The following LRRK2 variants were observed in gnomAD, a reference collection of about 807,000 sequenced individuals.
LRRK2 encodes the protein leucine rich repeat kinase 2, also known as leucine-rich repeat serine/threonine-protein kinase 2.
In LRRK2, 203 loss-of-function variants were observed where a neutral mutation model predicts 302.6. The observed-to-expected ratio is 0.67, with a 90% CI of 0.60 to 0.75. LRRK2 has a LOEUF of 0.75. LRRK2 is among the 30% of genes least tolerant of loss of function. The pLI, the probability that LRRK2 is intolerant of heterozygous loss-of-function variation, is 0.00. For missense variants in LRRK2, 2,830 were observed against 2,951.0 expected, an observed-to-expected ratio of 0.96 and a Z score of 0.95; for synonymous variants, 1,066 against 1,031.9, an observed-to-expected ratio of 1.03 and a Z score of -0.63.
rs1017632086 is a variant in LRRK2 at position 40,368,375 on chromosome 12, AG to A, written c.*611del. On this transcript the variant is annotated 3_prime_UTR_variant, in exon 51 of 51. Coordinates refer to ENST00000298910, the MANE Select transcript of LRRK2 (RefSeq NM_198578.4). ...CAATTCAAAAGAAAACTCCATTAAA[AG>A]TACTAATGAAAAAACATGACATACT... 3 of 151,934 alleles carry A rather than the reference AG, an allele frequency of 2.0e-5. No homozygotes were observed. Among genetic ancestry groups the A allele is most frequent in the African/African-American group, 7.2e-5 (3 of 41,426 alleles). 9.4% of individuals were successfully genotyped at this position (151,934 alleles called of 1,614,324 possible).
At chr12:40,225,939 T>C (rs993145030) in intron 2 of LRRK2, among the ~76,000 whole-genome samples, 1 of 152,170 alleles carries the variant, frequency 6.6e-6, no homozygotes. Context: ...ATTGGCAAGA[T>C]GAATTCATTA....
At chr12:40,258,170 G>T (rs17461664) in intron 12 of LRRK2, among the ~76,000 whole-genome samples, 5,009 of 152,202 alleles carry the variant, frequency 0.033, 233 homozygotes, top group South Asian at 0.12. Flanking sequence ...AAAGGGATTA[G>T]GATAATGCCT....
intron 23 of LRRK2, among the ~76,000 whole-genome samples, chr12:40,296,735 G>A (rs1944400048): frequency 6.6e-6 from 1 of 151,980 alleles, no homozygotes; most frequent in Non-Finnish European, 1.5e-5. Flanking sequence ...TAAATTTTAA[G>A]TATATTTAAG....
intron 14 of LRRK2, among the ~76,000 whole-genome samples, chr12:40,274,229 C>T (rs1350264469): frequency 6.6e-6 from 1 of 152,150 alleles, no homozygotes; most frequent in Non-Finnish European, 1.5e-5. Context: ...GGTTTCATCT[C>T]TGCAATTTAT....
At chr12:40,282,489 T>G (rs1417024966) in intron 18 of LRRK2, among the ~76,000 whole-genome samples, 6 of 152,104 alleles carry the variant, frequency 3.9e-5, no homozygotes, top group Non-Finnish European at 8.8e-5. Flanking sequence ...CAAGAAAGTT[T>G]GAAGCCAATT....
intron 4 of LRRK2, among the ~76,000 whole-genome samples, chr12:40,237,532 G>A (rs989920691): frequency 1.3e-5 from 2 of 152,164 alleles, no homozygotes; most frequent in Non-Finnish European, 2.9e-5. Flanking sequence ...GAAGAGAAAG[G>A]AGGGTGGAAG....
rs780369356 is a variant in LRRK2 at position 40,253,012 on chromosome 12, A to G, written c.1284A>G (p.Gln428=). 2 of 1,606,986 alleles carry G rather than the reference A, an allele frequency of 1.2e-6. No individual in the cohort carries two copies. Among genetic ancestry groups the G allele is most frequent in the Non-Finnish European group, 1.7e-6 (2 of 1,173,772 alleles). ...SANALSTLLE[Q]NVNFRKILLS... ...ATGCATTGTCAACTCTCTTAGAACA[A>G]AATGGTAAGCAGTGGGCCATGTTTT... Residue 428 remains glutamine (Q), a synonymous_variant, in exon 11 of 51, where the codon CAA becomes CAG. Coordinates refer to ENST00000298910, the MANE Select transcript of LRRK2 (RefSeq NM_198578.4).
chr12:40,267,301 G>A (rs1943060093), intron 14 of LRRK2, among the ~76,000 whole-genome samples: 1 of 152,124 alleles, frequency 6.6e-6, no homozygotes, highest in Admixed American at 6.6e-5. Context: ...TACCTATCCT[G>A]TCTCATTGTG....
intron 40 of LRRK2, among the ~76,000 whole-genome samples, chr12:40,337,068 A>G (rs1337855918): frequency 2.0e-5 from 3 of 152,258 alleles, no homozygotes; most frequent in African/African-American, 7.2e-5. Context: ...ATTTGTTCTT[A>G]GCATAATGCC....
At chr12:40,317,223 T>C (rs956900875) in intron 33 of LRRK2, among the ~76,000 whole-genome samples, 1 of 152,046 alleles carries the variant, frequency 6.6e-6, no homozygotes, top group African/African-American at 2.4e-5. Context: ...AAAGTTACTT[T>C]TAAAGACAGA....
chr12:40,351,257 C>T (rs552820860), intron 43 of LRRK2, among the ~76,000 whole-genome samples: 7 of 152,148 alleles, frequency 4.6e-5, no homozygotes, highest in South Asian at 2.1e-4. Flanking sequence ...CTCCTGACTC[C>T]GCTAAAATCC....
intron 20 of LRRK2, among the ~76,000 whole-genome samples, 198 bp from the exon 21 acceptor site, chr12:40,293,347 T>C (rs1046778155): frequency 2.0e-5 from 3 of 151,836 alleles, no homozygotes; most frequent in South Asian, 2.1e-4. Flanking sequence ...TGAAGAAAAA[T>C]GTTGTTGAAT....
intron 11 of LRRK2, among the ~76,000 whole-genome samples, chr12:40,254,453 C>G (rs1210058567): frequency 1.3e-5 from 2 of 152,058 alleles, no homozygotes; most frequent in African/African-American, 4.8e-5. Flanking sequence ...GATAATGAGT[C>G]AAAGGGGAAG....
Position 40,283,966 on chromosome 12 carries a change from G to A in LRRK2, c.2333G>A (p.Ser778Asn), listed in dbSNP as rs1356461363. Residue 778 changes from serine (S) to asparagine (N), a missense_variant, in exon 19 of 51, where the codon AGC becomes AAC. Physicochemically the swap from Ser to Asn is conservative, Grantham distance 46. Around this residue, in one of 3 missense-constraint regions of LRRK2, gnomAD observed 2,121 missense variants for 2,148.0 expected, o/e 0.99. Transcript: ENST00000298910. ...EQDVRKALTI[S>N]IGKGDSQIIS... ...GATGTACGAAAAGCGTTGACGATAA[G>A]CATTGGGAAAGGTGACAGCCAGATC... 4 of 1,613,884 alleles carry A rather than the reference G, an allele frequency of 2.5e-6. No homozygotes were observed. Among genetic ancestry groups the A allele is most frequent in the East Asian group, 2.2e-5 (1 of 44,880 alleles).
intron 20 of LRRK2, among the ~76,000 whole-genome samples, chr12:40,292,167 T>A (rs930881769): frequency 6.6e-6 from 1 of 152,080 alleles, no homozygotes. Flanking sequence ...TTAAATTTCT[T>A]CTTATGTATA....
chr12:40,271,891 T>A (rs1431696017), intron 14 of LRRK2, among the ~76,000 whole-genome samples: 1 of 152,066 alleles, frequency 6.6e-6, no homozygotes, highest in Admixed American at 6.6e-5. Context: ...ACTGAAATGG[T>A]TAGAGCCTAG....
At chr12:40,363,187 A>G (rs1468242501) in intron 47 of LRRK2, among the ~76,000 whole-genome samples, 1 of 152,094 alleles carries the variant, frequency 6.6e-6, no homozygotes, top group African/African-American at 2.4e-5. Flanking sequence ...ACAAGAAATT[A>G]ATATAAAGTA....
intron 39 of LRRK2, among the ~76,000 whole-genome samples, chr12:40,333,095 G>T (rs1945762497): frequency 1.3e-5 from 2 of 151,962 alleles, no homozygotes; most frequent in South Asian, 2.1e-4. Flanking sequence ...TTAGTGAGTT[G>T]CTTTTCCAGG....
At chr12:40,240,346 C>T (rs1289285092) in intron 5 of LRRK2, 137 bp from the exon 6 acceptor site, 3 of 799,026 alleles carry the variant, frequency 3.8e-6, no homozygotes, top group Admixed American at 2.5e-5. Context: ...AGGGCTGCTT[C>T]ACAGAAATAT....
Sources: gnomAD v4.1 joint callset for allele counts (sites outside exome capture counted in the v4.1 genomes callset) on GRCh38, gnomAD v4.1.1 for gene constraint, gnomAD v4.1.1 regional missense constraint, MANE v1.5 for transcripts, NCBI Gene and HGNC (gene_info 2026-07-23, HGNC 2026-07-21) for gene names.